Variants in SLFN12 observed in about 807,000 individuals in gnomAD.
SLFN12 encodes schlafen family member 12.
Under a neutral mutation model 29.1 loss-of-function variants are expected in SLFN12, and 25 were observed. That is an observed-to-expected ratio of 0.86 (90% CI 0.63 to 1.20). The LOEUF (loss-of-function observed/expected upper bound fraction) is 1.20. SLFN12 is among the 50% of genes most tolerant of loss of function. SLFN12 has a pLI of 0.00. For synonymous variants in SLFN12, 257 were observed against 238.7 expected, an observed-to-expected ratio of 1.08 and a Z score of -0.71; for missense variants, 660 against 666.2, an observed-to-expected ratio of 0.99 and a Z score of 0.10.
chr17:35,422,039 C>T lies in SLFN12; in HGVS notation c.990G>A (p.Met330Ile). The T allele has an allele frequency of 6.2e-7, 1 of 1,614,080 alleles. No homozygotes were observed. Reference protein sequence around the residue: ...DSWHVKDNRVMQLTRKEWIQF... With the variant: ...DSWHVKDNRVIQLTRKEWIQF... The stretch of plus-strand genomic sequence containing the variant: ...GGATCCATTCCTTCCTGGTCAACTG[C>T]ATCACACGGTTATCTTTCACATGCC... The change falls in exon 2 of 4, where the codon ATG becomes ATA. Residue 330 changes from methionine to isoleucine, a missense_variant. Transcript: ENST00000304905.
chr17:35,419,201 G>A (rs1911486152), intron 3 of SLFN12, among the ~76,000 whole-genome samples: 1 of 152,012 alleles, frequency 6.6e-6, no homozygotes, highest in Non-Finnish European at 1.5e-5. Context: ...TAATCCTAGT[G>A]TATAGAAGGA....
intron 3 of SLFN12, among the ~76,000 whole-genome samples, chr17:35,418,598 C>T (rs191810253): frequency 5.3e-5 from 8 of 152,004 alleles, no homozygotes; most frequent in South Asian, 2.1e-4. Context: ...TAATTGACTA[C>T]GTTATTGGTA....
At chr17:35,417,173 C>A (rs1911364337) in intron 3 of SLFN12, among the ~76,000 whole-genome samples, 1 of 152,016 alleles carries the variant, frequency 6.6e-6, no homozygotes, top group Admixed American at 6.6e-5. Flanking sequence ...GTATTAGCAG[C>A]TGAATAAAAA....
intron 3 of SLFN12, among the ~76,000 whole-genome samples, chr17:35,412,536 C>T (rs1352817870): frequency 1.3e-5 from 2 of 151,920 alleles, no homozygotes; most frequent in Admixed American, 6.6e-5. Context: ...CTAGTAGTAA[C>T]GGCAAAATTA....
At chr17:35,431,623 C>T (rs1281842486) in intron 1 of SLFN12, among the ~76,000 whole-genome samples, 1 of 152,108 alleles carries the variant, frequency 6.6e-6, no homozygotes, top group African/African-American at 2.4e-5. Flanking sequence ...CTTAGGTGGT[C>T]ACCAGTGCCA....
At chr17:35,413,177 C>G (rs1198527673) in intron 3 of SLFN12, among the ~76,000 whole-genome samples, 1 of 151,650 alleles carries the variant, frequency 6.6e-6, no homozygotes, top group African/African-American at 2.4e-5. Context: ...ATAAGATAAG[C>G]AATATTTGAA....
chr17:35,412,957 G>C (rs996612466), intron 3 of SLFN12, among the ~76,000 whole-genome samples: 32 of 152,004 alleles, frequency 2.1e-4, no homozygotes, highest in Admixed American at 2.1e-3. Context: ...AATACAGTAG[G>C]TGGTAATAAG....
chr17:35,418,309 T>C (rs1176369472), intron 3 of SLFN12, among the ~76,000 whole-genome samples: 1 of 152,070 alleles, frequency 6.6e-6, no homozygotes, highest in Non-Finnish European at 1.5e-5. Context: ...CAACATGGGT[T>C]TGAATTGCAT....
At chr17:35,423,267 A>G (rs551822810) in intron 1 of SLFN12, among the ~76,000 whole-genome samples, 199 bp from the exon 2 acceptor site, 7 of 152,092 alleles carry the variant, frequency 4.6e-5, no homozygotes, top group Non-Finnish European at 5.9e-5. Flanking sequence ...ATTTGTTACT[A>G]TAGTTCTATA....
chr17:35,432,471 C>G lies in SLFN12; in HGVS notation c.-324G>C, dbSNP rs1233724732. ...TGTAAATGAAATAGGAGCCCGAGAT[C>G]AGTCTGAATGGTTGCAGAAAGCGAT... On this transcript the variant is annotated 5_prime_UTR_variant, in exon 1 of 4. Transcript: ENST00000304905. 1.3e-5 allele frequency: 2 copies of G among 152,106 alleles called. No individual in the cohort carries two copies. Among genetic ancestry groups the G allele is most frequent in the Non-Finnish European group, 2.9e-5 (2 of 68,020 alleles). The allele number at this position is 152,106 out of a possible 1,614,324, so 9.4% of individuals were successfully genotyped here.
At chr17:35,414,333 T>C (rs1301454736) in intron 3 of SLFN12, among the ~76,000 whole-genome samples, 1 of 151,938 alleles carries the variant, frequency 6.6e-6, no homozygotes, top group South Asian at 2.1e-4. Context: ...CAAATTATCC[T>C]ATAAAGAAAT....
intron 3 of SLFN12, among the ~76,000 whole-genome samples, chr17:35,413,051 T>G (rs1911116040): frequency 7.0e-6 from 1 of 142,062 alleles, no homozygotes; most frequent in Non-Finnish European, 1.5e-5. Context: ...GTAGCAAAAG[T>G]CCGAACTCAA....
intron 1 of SLFN12, among the ~76,000 whole-genome samples, chr17:35,423,763 G>C (rs1456454602): frequency 6.6e-6 from 1 of 152,240 alleles, no homozygotes; most frequent in East Asian, 1.9e-4. Context: ...AACTCCTGAG[G>C]TGATGAGGTT....
chr17:35,420,601 A>G (rs1398812072), intron 2 of SLFN12: 2 of 353,614 alleles, frequency 5.7e-6, no homozygotes, highest in Non-Finnish European at 1.0e-5. Context: ...TTAACAGTAA[A>G]AATGCATTAA....
intron 1 of SLFN12, among the ~76,000 whole-genome samples, chr17:35,429,514 A>G (rs1797996444): frequency 6.6e-6 from 1 of 152,084 alleles, no homozygotes; most frequent in South Asian, 2.1e-4. Flanking sequence ...TTCCACTGAA[A>G]TCCTTTATAC....
At chr17:35,419,456 T>C (rs1320764660) in intron 3 of SLFN12, among the ~76,000 whole-genome samples, 2 of 151,990 alleles carry the variant, frequency 1.3e-5, no homozygotes, top group African/African-American at 4.8e-5. Flanking sequence ...AGAAAAATGG[T>C]CAAAGACAAA....
rs202080729 is a variant in SLFN12, at chr17:35,421,255, A to AATAAATAG, written c.1039+734_1039+735insCTATTTAT. Among the ~76,000 whole-genome samples the AATAAATAG allele has an allele frequency of 4.2e-3, 620 of 146,932 alleles. 2 individuals are homozygous for AATAAATAG. Among genetic ancestry groups the AATAAATAG allele is most frequent in the East Asian group, 0.032 (156 of 4,914 alleles). ...AAATAAATAAATAAATAAATAAATA[A>AATAAATAG]ATAGAAAGGGGACAAGAAGCATGAA... On this transcript the variant is annotated intron_variant, in intron 2 of 3. Transcript: ENST00000304905.
chr17:35,421,601 G>A lies in SLFN12; in HGVS notation c.1039+389C>T, dbSNP rs193082273. On this transcript the variant is annotated intron_variant, in intron 2 of 3. Transcript: ENST00000304905. ...GTTGCCCAGGCTGGAGTGCAGTGGC[G>A]CAATCTCCGCCCACTGCAACCTCCG... Among the ~76,000 whole-genome samples the A allele has an allele frequency of 3.7e-4, 52 of 142,450 alleles. No homozygotes were observed. In the East Asian group the frequency reaches 0.01, roughly 28 times the overall value. 93.5% of individuals were successfully genotyped at this position (142,450 alleles called of 152,430 possible). A position where few individuals can be genotyped will look rare whatever the true frequency, so the allele number is the denominator to read the frequency against.
At position 35,431,746 on chromosome 17, in the gene SLFN12, A is replaced by G. The variant is rs371194657; in HGVS notation, c.-41+442T>C. The G allele has an allele frequency of 3.0e-4, 46 of 152,246 alleles. 2 individuals are homozygous for G. In the East Asian group the frequency reaches 3.1e-3, roughly 10 times the overall value. The allele number at this position is 152,246 out of a possible 1,614,324, so 9.4% of individuals were successfully genotyped here. A position where few individuals can be genotyped will look rare whatever the true frequency, so the allele number is the denominator to read the frequency against. On this transcript the variant is annotated intron_variant, in intron 1 of 3. Transcript: ENST00000304905. ...TAATTTGATAAGGCCATGCTTTCCC[A>G]TGGTTCCCATTCCACTAGAGTGATA...
Sources: gnomAD v4.1 joint callset for allele counts (sites outside exome capture counted in the v4.1 genomes callset) on GRCh38, gnomAD v4.1.1 for gene constraint, MANE v1.5 for transcripts, NCBI Gene and HGNC (gene_info 2026-07-23, HGNC 2026-07-21) for gene names.